Variants in CLK3 observed in about 807,000 individuals in gnomAD.
CLK3 encodes the protein dual specificity protein kinase CLK3.
A neutral mutation model predicts 65.2 loss-of-function variants in CLK3; 24 were observed. The observed-to-expected ratio is 0.37, with a 90% CI of 0.27 to 0.52. The LOEUF is 0.52. Ranked by LOEUF, CLK3 falls within the 20% of genes least tolerant of loss-of-function variation. The pLI, the probability that CLK3 is intolerant of heterozygous loss-of-function variation, is 0.92. For missense variants in CLK3, 506 were observed against 660.0 expected (o/e 0.77, Z 2.56); for synonymous variants, 252 against 240.8 (o/e 1.05, Z -0.43).
intron 2 of CLK3, 76 bp downstream of exon 2, chr15:74,619,424 A>G: frequency 6.6e-7 from 1 of 1,514,146 alleles, no homozygotes; most frequent in Non-Finnish European, 9.1e-7. Context: ...AGACTCCTTG[A>G]GATGACTCCA....
chr15:74,614,841 C>G (rs1055102385), upstream of CLK3: 1 of 152,206 alleles, frequency 6.6e-6, no homozygotes, highest in Admixed American at 6.5e-5. Flanking sequence ...TGGTCCGCCC[C>G]GACTGCGGGT....
chr15:74,614,667 C>CG (rs1288490509), upstream of CLK3, among the ~76,000 whole-genome samples: 4 of 152,196 alleles, frequency 2.6e-5, no homozygotes, highest in Non-Finnish European at 5.9e-5. Flanking sequence ...AGCTCGGAAG[C>CG]GGGGGGCTCC....
At chr15:74,628,855 T>C in intron 11 of CLK3, 87 bp from the exon 12 acceptor site, 1 of 1,089,360 alleles carries the variant, frequency 9.2e-7, no homozygotes, top group African/African-American at 1.5e-5. Flanking sequence ...GTTCTGCTGC[T>C]GTCTTGGGAG....
rs2062173784 is a variant in CLK3 at position 74,629,333 on chromosome 15, A to C, written c.1296+301A>C. 9.3e-6 allele frequency: 5 copies of C among 538,576 alleles called. 1 individual carries two copies. The South Asian group carries it at 9.8e-5, about 11-fold the overall frequency. 33.4% of individuals were successfully genotyped at this position (538,576 alleles called of 1,614,324 possible). Reference sequence around the variant, plus strand: ...CCTCTCTCTCCTCGAAATTTTGGGAAGAACTAGGCAGGACTGAGGTGAGGG... The same window carrying C: ...CCTCTCTCTCCTCGAAATTTTGGGACGAACTAGGCAGGACTGAGGTGAGGG... On this transcript the variant is annotated intron_variant, in intron 12 of 12. Coordinates refer to ENST00000395066, the MANE Select transcript of CLK3 (RefSeq NM_001130028.2).
At chr15:74,615,699 G>C (rs2062049521), upstream of CLK3, 1 of 1,238,620 alleles carries the variant, frequency 8.1e-7, no homozygotes, top group Non-Finnish European at 1.0e-6. Flanking sequence ...GGCGCCCGCC[G>C]GAGCGGAGAG....
At chr15:74,614,361 T>G (rs759291620), upstream of CLK3, among the ~76,000 whole-genome samples, 4 of 152,194 alleles carry the variant, frequency 2.6e-5, no homozygotes, top group Non-Finnish European at 5.9e-5. Context: ...TCGACCAGGC[T>G]GGAGTGCAGT....
At chr15:74,625,102 C>A in intron 6 of CLK3, 84 bp downstream of exon 6, 1 of 948,002 alleles carries the variant, frequency 1.1e-6, no homozygotes, top group South Asian at 1.4e-5. Context: ...TTCACCCATC[C>A]GCACTGTGCC....
chr15:74,614,674 C>T (rs1230965192), upstream of CLK3, among the ~76,000 whole-genome samples: 1 of 152,214 alleles, frequency 6.6e-6, no homozygotes, highest in Non-Finnish European at 1.5e-5. Context: ...AAGCGGGGGG[C>T]TCCCCTGCGA....
Position 74,625,814 on chromosome 15 carries a change from G to A in CLK3, c.663G>A (p.Leu221=). ...CCTCCTCCTCCAGCCTGTGTGTCTT[G>A]ATGTCTGACTGGTTCAACTTCCACG... The part of the protein sequence containing the change: ...KDKENKFLCV[L]MSDWFNFHGH... Residue 221 remains leucine, a synonymous_variant, in exon 7 of 13, where the codon TTG becomes TTA. Coordinates refer to ENST00000395066, the MANE Select transcript of CLK3 (RefSeq NM_001130028.2). The A allele has an allele frequency of 6.2e-7, 1 of 1,614,170 alleles. No homozygotes were observed. The highest frequency in any genetic ancestry group is 1.7e-5 in the Admixed American group (1 of 60,020).
intron 3 of CLK3, chr15:74,620,535 TTC>T: frequency 2.0e-6 from 1 of 489,206 alleles, no homozygotes; most frequent in Non-Finnish European, 3.7e-6. Context: ...CTGGGGACAC[TTC>T]TTAGGACACT....
rs1052752063 is a variant in CLK3, at chr15:74,630,166, C to A, written c.*283C>A. 4 of 376,828 alleles carry A rather than the reference C, an allele frequency of 1.1e-5. No homozygotes were observed. Among genetic ancestry groups the A allele is most frequent in the African/African-American group, 8.1e-5 (4 of 49,624 alleles). The allele number at this position is 376,828 out of a possible 1,614,324, so 23.3% of individuals were successfully genotyped here. A position where few individuals can be genotyped will look rare whatever the true frequency, so the allele number is the denominator to read the frequency against. On this transcript the variant is annotated 3_prime_UTR_variant, in exon 13 of 13. Coordinates refer to ENST00000395066, the MANE Select transcript of CLK3 (RefSeq NM_001130028.2). ...CTCCAGGCTCCTTGCCTTCCCCTTA[C>A]CTGACCTTATTAATAAAGTCTTTCT...
chr15:74,616,636 C>T (rs910584546), intron 1 of CLK3, among the ~76,000 whole-genome samples: 7 of 152,356 alleles, frequency 4.6e-5, no homozygotes, highest in African/African-American at 1.7e-4. Flanking sequence ...TTCCAGCTTC[C>T]CTTCTTGATG....
At chr15:74,611,727 G>T (rs112409138), upstream of CLK3, among the ~76,000 whole-genome samples, 1 of 152,240 alleles carries the variant, frequency 6.6e-6, no homozygotes, top group East Asian at 1.9e-4. Flanking sequence ...CCAATGCCCC[G>T]AGGAAATAGG....
At chr15:74,628,307 C>T (rs983180937) in intron 10 of CLK3, among the ~76,000 whole-genome samples, 1 of 144,124 alleles carries the variant, frequency 6.9e-6, no homozygotes, top group Non-Finnish European at 1.5e-5. Context: ...ACCTGACCTT[C>T]TAGATAAGGG....
rs775920119 is a variant in CLK3, at chr15:74,622,584, C to G, written c.533+24C>G. Reference sequence around the variant, plus strand: ...AGGTGAGCGAGCTGCGGCAGTACAGCTGGCTCCGGATGTGATCTTCCTGGG... The same window carrying G: ...AGGTGAGCGAGCTGCGGCAGTACAGGTGGCTCCGGATGTGATCTTCCTGGG... On this transcript the variant is annotated intron_variant, in intron 5 of 12. Coordinates refer to ENST00000395066, the MANE Select transcript of CLK3 (RefSeq NM_001130028.2). The surrounding 1 kb of genome is among the most constrained non-coding windows in gnomAD (Gnocchi z 4.6). 6.3e-7 allele frequency: 1 copy of G among 1,587,126 alleles called. No individual in the cohort carries two copies. Among genetic ancestry groups the G allele is most frequent in the Non-Finnish European group, 8.6e-7 (1 of 1,164,266 alleles).
chr15:74,620,630 G>A (rs961313829), intron 3 of CLK3: 5 of 256,360 alleles, frequency 2.0e-5, no homozygotes, highest in Non-Finnish European at 3.8e-5. Flanking sequence ...CTGCCTCCTC[G>A]TGTAACTGAG....
In CLK3 at chr15:74,625,790, C is replaced by G; in HGVS notation, c.651-12C>G. The G allele has an allele frequency of 6.5e-6, 10 of 1,530,652 alleles. No homozygotes were observed. The highest frequency in any genetic ancestry group is 8.9e-6 in the Non-Finnish European group (10 of 1,124,240). 94.8% of individuals were successfully genotyped at this position (1,530,652 alleles called of 1,614,324 possible). ...GCACACAGCCTGAGCCCTGCCCATCCTCCTCCTCCAGCCTGTGTGTCTTGA... is the reference window on the plus strand; with the variant it reads ...GCACACAGCCTGAGCCCTGCCCATCGTCCTCCTCCAGCCTGTGTGTCTTGA... On this transcript the variant is annotated splice_polypyrimidine_tract_variant and intron_variant, in intron 6 of 12. Coordinates refer to ENST00000395066, the MANE Select transcript of CLK3 (RefSeq NM_001130028.2).
At chr15:74,615,705 G>C, upstream of CLK3, 1 of 1,239,022 alleles carries the variant, frequency 8.1e-7, no homozygotes, top group South Asian at 3.6e-5. Flanking sequence ...CGCCGGAGCG[G>C]AGAGGGCTGG....
At chr15:74,618,939 G>C in intron 1 of CLK3, 1 of 424,716 alleles carries the variant, frequency 2.4e-6, no homozygotes, top group Non-Finnish European at 4.3e-6. Context: ...CCAGTTCCCT[G>C]AGCACCCAGG....
Sources: gnomAD v4.1 joint callset for allele counts (sites outside exome capture counted in the v4.1 genomes callset) on GRCh38, gnomAD v4.1.1 for gene constraint, Gnocchi (gnomAD v3.1) non-coding constraint, MANE v1.5 for transcripts, NCBI Gene and HGNC (gene_info 2026-07-23, HGNC 2026-07-21) for gene names.